The following SLC24A2 variants were observed in gnomAD, a reference collection of about 807,000 sequenced individuals.
SLC24A2 encodes the protein sodium/potassium/calcium exchanger 2.
A neutral mutation model predicts 62.0 loss-of-function variants in SLC24A2; 36 were observed. That is an observed-to-expected ratio of 0.58 (90% CI 0.44 to 0.77). The LOEUF (loss-of-function observed/expected upper bound fraction) is 0.77, where lower values mean the gene tolerates loss of function less well. Ranked by LOEUF, SLC24A2 falls within the 30% of genes least tolerant of loss-of-function variation. SLC24A2 has a pLI of 0.00. For missense variants in SLC24A2, 846 were observed against 817.9 expected (o/e 1.03, Z -0.42); for synonymous variants, 358 against 294.0 (o/e 1.22, Z -2.23).
At chr9:19,792,780 ATACT>A (rs1234512741), upstream of SLC24A2, among the ~76,000 whole-genome samples, 1 of 151,878 alleles carries the variant, frequency 6.6e-6, no homozygotes, top group Non-Finnish European at 1.5e-5. Context: ...TACAGTACTC[ATACT>A]TACTTTGTTA....
At chr9:19,711,839 AAC>A (rs5896858) in intron 2 of SLC24A2, among the ~76,000 whole-genome samples, 24,684 of 152,176 alleles carry the variant, frequency 0.16, 2,287 homozygotes, top group Non-Finnish European at 0.22. Flanking sequence ...AGTGGAAAAT[AAC>A]ACAGTGAGGA....
At chr9:19,734,352 T>C (rs1821434217) in intron 2 of SLC24A2, among the ~76,000 whole-genome samples, 3 of 152,216 alleles carry the variant, frequency 2.0e-5, no homozygotes, top group African/African-American at 7.2e-5. Flanking sequence ...TGGCTTCGGA[T>C]TGACTTGGCA....
chr9:20,202,817 T>C, the SLC24A2 span, among the ~76,000 whole-genome samples: 3 of 152,228 alleles, frequency 2.0e-5, no homozygotes, highest in Admixed American at 2.0e-4. Context: ...AAACCAGGAA[T>C]GGGCTTAGTA....
the SLC24A2 span, among the ~76,000 whole-genome samples, chr9:20,176,047 A>G: frequency 1.3e-5 from 2 of 152,164 alleles, no homozygotes; most frequent in Non-Finnish European, 1.5e-5. Flanking sequence ...ATAGAGAGGT[A>G]CTGACCAGTC....
At chr9:19,907,619 T>C in the SLC24A2 span, among the ~76,000 whole-genome samples, 61 of 152,346 alleles carry the variant, frequency 4.0e-4, no homozygotes, top group Middle Eastern at 3.4e-3. Context: ...GATAGGCAAC[T>C]TCAGCAAAGT....
At chr9:20,306,531 T>A in the SLC24A2 span, among the ~76,000 whole-genome samples, 1 of 152,204 alleles carries the variant, frequency 6.6e-6, no homozygotes, top group African/African-American at 2.4e-5. Flanking sequence ...GGGGCTACTA[T>A]CCACCTCCAT....
At chr9:19,615,183 G>A (rs1015098715) in intron 4 of SLC24A2, among the ~76,000 whole-genome samples, 1 of 152,200 alleles carries the variant, frequency 6.6e-6, no homozygotes, top group Non-Finnish European at 1.5e-5. Flanking sequence ...AGGGGAATGT[G>A]TTTCTGTAGG....
Position 19,787,000 on chromosome 9 carries a change from G to A in SLC24A2, c.-134C>T, listed in dbSNP as rs1823195454. Reference sequence around the variant, plus strand: ...CAATCAGGGATTGTTATGCTTCACAGGAAACTTTCATCATTTATGCTTAAA... The same window carrying A: ...CAATCAGGGATTGTTATGCTTCACAAGAAACTTTCATCATTTATGCTTAAA... On this transcript the variant is annotated 5_prime_UTR_variant, in exon 2 of 11. Transcript: ENST00000341998. The surrounding 1 kb of genome is among the most constrained non-coding windows in gnomAD (Gnocchi z 5.0). The A allele has an allele frequency of 4.2e-6, 6 of 1,423,266 alleles. No individual in the cohort carries two copies. In the South Asian group the frequency reaches 5.1e-5, roughly 12 times the overall value. The allele number at this position is 1,423,266 out of a possible 1,614,324, so 88.2% of individuals were successfully genotyped here. A position where few individuals can be genotyped will look rare whatever the true frequency, so the allele number is the denominator to read the frequency against.
chr9:20,210,293 C>T, the SLC24A2 span, among the ~76,000 whole-genome samples: 4 of 152,312 alleles, frequency 2.6e-5, no homozygotes, highest in South Asian at 6.2e-4. Flanking sequence ...ACATCACATA[C>T]ATTTAAAGCA....
At chr9:19,519,625 C>T (rs1292156374) in intron 10 of SLC24A2, among the ~76,000 whole-genome samples, 2 of 152,150 alleles carry the variant, frequency 1.3e-5, no homozygotes, top group African/African-American at 4.8e-5. Flanking sequence ...GATAGCAATG[C>T]AGTAAGCTCT....
At chr9:19,715,794 A>G (rs970912499) in intron 2 of SLC24A2, among the ~76,000 whole-genome samples, 5 of 152,258 alleles carry the variant, frequency 3.3e-5, no homozygotes, top group African/African-American at 1.2e-4. Flanking sequence ...GCCTAAAACC[A>G]GGCAAAGTAC....
the SLC24A2 span, among the ~76,000 whole-genome samples, chr9:19,942,263 C>T: frequency 3.3e-5 from 5 of 152,242 alleles, no homozygotes; most frequent in African/African-American, 1.2e-4. Context: ...ATGCTAAACA[C>T]GTTGTGAACA....
chr9:20,276,376 G>T, the SLC24A2 span, among the ~76,000 whole-genome samples: 1 of 152,224 alleles, frequency 6.6e-6, no homozygotes, highest in African/African-American at 2.4e-5. Context: ...GATCTCCTTT[G>T]ACTCCATGTC....
the SLC24A2 span, among the ~76,000 whole-genome samples, chr9:20,054,774 C>A: frequency 1.6e-4 from 25 of 152,172 alleles, no homozygotes; most frequent in African/African-American, 5.6e-4. Context: ...ACTAATACAA[C>A]TCTAACATGG....
At chr9:19,559,575 C>G (rs1835289617) in intron 7 of SLC24A2, among the ~76,000 whole-genome samples, 4 of 152,140 alleles carry the variant, frequency 2.6e-5, no homozygotes, top group Admixed American at 2.6e-4. Flanking sequence ...AGTTGGAACT[C>G]TTGAAGGTAA....
chr9:19,536,178 CT>C (rs945200479), intron 8 of SLC24A2, among the ~76,000 whole-genome samples: 50 of 145,842 alleles, frequency 3.4e-4, no homozygotes, highest in African/African-American at 1.1e-3. Flanking sequence ...AAGAAATTTT[CT>C]TTTTTTTTAA....
the SLC24A2 span, among the ~76,000 whole-genome samples, chr9:20,099,279 T>G: frequency 6.6e-6 from 1 of 152,220 alleles, no homozygotes; most frequent in African/African-American, 2.4e-5. Context: ...TAATGTCCCC[T>G]GCCTATCCCT....
chr9:19,521,758 T>C (rs1833210337), intron 9 of SLC24A2, among the ~76,000 whole-genome samples: 3 of 152,200 alleles, frequency 2.0e-5, no homozygotes, highest in Non-Finnish European at 2.9e-5. Flanking sequence ...TAATAATACC[T>C]ACCTTACCAG....
the SLC24A2 span, among the ~76,000 whole-genome samples, chr9:19,827,646 T>C: frequency 6.6e-6 from 1 of 152,122 alleles, no homozygotes; most frequent in African/African-American, 2.4e-5. Context: ...CTGTTCTACC[T>C]CCCTCCCTCA....
Sources: gnomAD v4.1 joint callset for allele counts (sites outside exome capture counted in the v4.1 genomes callset) on GRCh38, gnomAD v4.1.1 for gene constraint, Gnocchi (gnomAD v3.1) non-coding constraint, MANE v1.5 for transcripts, NCBI Gene and HGNC (gene_info 2026-07-23, HGNC 2026-07-21) for gene names.